Variants in DNAH9 observed in about 807,000 individuals in gnomAD.
DNAH9 encodes dynein axonemal heavy chain 9.
In DNAH9, 345 loss-of-function variants were observed where a neutral mutation model predicts 471.6. That is an observed-to-expected ratio of 0.73 (90% CI 0.67 to 0.80). The LOEUF (loss-of-function observed/expected upper bound fraction) is 0.80. Among genes scored for constraint, DNAH9 ranks in the 30% least tolerant of loss-of-function variants. DNAH9 has a pLI of 0.00. For missense variants in DNAH9, 5,407 were observed against 5,609.2 expected (o/e 0.96, Z 1.15); for synonymous variants, 2,093 against 2,123.6 (o/e 0.99, Z 0.40).
chr17:11,749,017 C>T (rs951637816), intron 32 of DNAH9, among the ~76,000 whole-genome samples: 1 of 149,624 alleles, frequency 6.7e-6, no homozygotes, highest in Admixed American at 6.7e-5. Context: ...TAGTAATTTG[C>T]TCTTTTGTGA....
chr17:11,676,149 G>T (rs1437701115), intron 17 of DNAH9, among the ~76,000 whole-genome samples: 2 of 151,730 alleles, frequency 1.3e-5, no homozygotes, highest in Admixed American at 1.3e-4. Context: ...CTTTTAGTAA[G>T]TCATATTTTC....
chr17:11,669,369 G>A lies in DNAH9; in HGVS notation c.2929-1G>A. 6.2e-7 allele frequency: 1 copy of A among 1,607,848 alleles called. No individual in the cohort carries two copies. Among genetic ancestry groups the A allele is most frequent in the Non-Finnish European group, 8.5e-7 (1 of 1,176,200 alleles). On this transcript the variant is annotated splice_acceptor_variant, in intron 16 of 68. Transcript: ENST00000262442. LOFTEE classifies it high-confidence loss of function. ...TGCCTGCCGTTGTCTCGCTTCCCCA[G>A]GTCGACCTGGACGGTATACCAGATT... is the stretch of plus-strand genomic sequence containing the variant.
At chr17:11,898,889 G>A (rs867816512) in intron 59 of DNAH9, among the ~76,000 whole-genome samples, 5 of 152,148 alleles carry the variant, frequency 3.3e-5, no homozygotes, top group South Asian at 2.1e-4. Context: ...TGTTTGGTTC[G>A]CTTTGCCTTG....
At chr17:11,950,327 C>T (rs981619907) in intron 67 of DNAH9, among the ~76,000 whole-genome samples, 1 of 152,108 alleles carries the variant, frequency 6.6e-6, no homozygotes, top group Non-Finnish European at 1.5e-5. Flanking sequence ...GACTTGTATC[C>T]ACCATTATAG....
At chr17:11,855,115 TG>T (rs1242128020) in intron 50 of DNAH9, among the ~76,000 whole-genome samples, 1 of 152,054 alleles carries the variant, frequency 6.6e-6, no homozygotes, top group Non-Finnish European at 1.5e-5. Flanking sequence ...TTGCCCAGGT[TG>T]GTCTTGAACT....
chr17:11,872,656 C>T lies in DNAH9; in HGVS notation c.10242+870C>T, dbSNP rs947553869. 9.2e-5 allele frequency among the ~76,000 whole-genome samples: 14 copies of T among 152,198 alleles called. No individual in the cohort carries two copies. In the East Asian group the frequency reaches 2.7e-3, roughly 29 times the overall value. On this transcript the variant is annotated intron_variant, in intron 52 of 68. Coordinates refer to ENST00000262442, the MANE Select transcript of DNAH9 (RefSeq NM_001372.4). Reference sequence around the variant, plus strand: ...CGAAGGTGGGCCGGGCGCGGTGGCTCACGCCTGTAATCCCAGCACTTTGGG... The same window carrying T: ...CGAAGGTGGGCCGGGCGCGGTGGCTTACGCCTGTAATCCCAGCACTTTGGG...
chr17:11,911,477 T>A (rs1973792463), intron 61 of DNAH9, among the ~76,000 whole-genome samples: 1 of 152,228 alleles, frequency 6.6e-6, no homozygotes, highest in Non-Finnish European at 1.5e-5. Flanking sequence ...TTCAGCTTTG[T>A]TCTTTTCATG....
chr17:11,858,773 A>C (rs977629356), intron 50 of DNAH9, among the ~76,000 whole-genome samples: 4 of 152,132 alleles, frequency 2.6e-5, no homozygotes, highest in Non-Finnish European at 4.4e-5. Flanking sequence ...TTAGCACAGA[A>C]GTTATTGTGG....
At chr17:11,931,293 T>C (rs1289679814) in intron 63 of DNAH9, among the ~76,000 whole-genome samples, 1 of 152,194 alleles carries the variant, frequency 6.6e-6, no homozygotes, top group African/African-American at 2.4e-5. Flanking sequence ...CATCTCAGGT[T>C]TCCCAGAAGC....
intron 53 of DNAH9, 146 bp downstream of exon 53, chr17:11,875,330 AACATCT>A: frequency 1.5e-6 from 1 of 669,622 alleles, no homozygotes; most frequent in Non-Finnish European, 2.5e-6. Context: ...CATTTTAGCA[AACATCT>A]CAATGAAAGA....
At chr17:11,647,253 C>A in intron 12 of DNAH9, 55 bp downstream of exon 12, 3 of 1,540,076 alleles carry the variant, frequency 1.9e-6, no homozygotes, top group Non-Finnish European at 2.7e-6. Context: ...TCTTTGAACT[C>A]TGCTGATTTC....
intron 32 of DNAH9, among the ~76,000 whole-genome samples, chr17:11,748,662 G>A (rs989178608): frequency 5.9e-5 from 9 of 152,138 alleles, no homozygotes; most frequent in Admixed American, 5.9e-4. Context: ...CCCCAACCCT[G>A]GGTGCTGATC....
chr17:11,693,616 A>G (rs2074375631), intron 20 of DNAH9, among the ~76,000 whole-genome samples: 1 of 152,160 alleles, frequency 6.6e-6, no homozygotes, highest in South Asian at 2.1e-4. Flanking sequence ...AGCCTCTGGT[A>G]CAGAAAATAT....
rs553790907 is a variant in DNAH9 at position 11,822,442 on chromosome 17, C to T, written c.8855C>T (p.Thr2952Ile). The T allele has an allele frequency of 6.2e-7, 1 of 1,614,174 alleles. No homozygotes were observed. Among genetic ancestry groups the T allele is most frequent in the Non-Finnish European group, 8.5e-7 (1 of 1,180,030 alleles). The stretch of plus-strand genomic sequence containing the variant: ...CCCACCCTTCTGACTTCTCAGGTGA[C>T]TCTCTGTTTCTCCCCTGTGGGAAAC... ...IDRIRRQLKV[T>I]LCFSPVGNKL... Residue 2952 changes from threonine (T) to isoleucine (I), a missense_variant, in exon 47 of 69, where the codon ACT becomes ATT. By Grantham distance (89) the Thr-to-Ile change is moderately conservative. Around this residue, in one of 3 missense-constraint regions of DNAH9, gnomAD observed 4,636 missense variants for 4,900.3 expected, o/e 0.95. Transcript: ENST00000262442.
intron 15 of DNAH9, among the ~76,000 whole-genome samples, 189 bp from the exon 16 acceptor site, chr17:11,668,875 T>C (rs1252895744): frequency 2.0e-5 from 3 of 152,064 alleles, no homozygotes; most frequent in African/African-American, 7.2e-5. Flanking sequence ...GGTTCCCCCA[T>C]TGAGAAGCAC....
intron 14 of DNAH9, among the ~76,000 whole-genome samples, chr17:11,655,640 A>G (rs1039531823): frequency 5.3e-5 from 8 of 150,876 alleles, no homozygotes; most frequent in Non-Finnish European, 7.4e-5. Context: ...CACCATGTAT[A>G]TACATAGACA....
intron 67 of DNAH9, among the ~76,000 whole-genome samples, chr17:11,957,014 A>G (rs991791552): frequency 1.1e-4 from 16 of 152,072 alleles, no homozygotes; most frequent in African/African-American, 3.8e-4. Context: ...AAAATTAATA[A>G]ACATTTACCA....
Position 11,705,152 on chromosome 17 carries a change from C to A in DNAH9, c.5519C>A (p.Thr1840Lys). 1.9e-6 allele frequency: 3 copies of A among 1,614,200 alleles called. No individual in the cohort carries two copies. The highest frequency in any genetic ancestry group is 2.5e-6 in the Non-Finnish European group (3 of 1,180,012). Residue 1840 changes from threonine (T) to lysine (K), a missense_variant, in exon 26 of 69, where the codon ACA becomes AAA. Thr to Lys is a moderately conservative substitution (Grantham distance 78, BLOSUM62 -1). Coordinates refer to ENST00000262442, the MANE Select transcript of DNAH9 (RefSeq NM_001372.4). ...TATTCCTATGAGTACCTGGGAAACA[C>A]ACCTCGCTTGGTGATCACACCTTTG... ...FLYSYEYLGN[T>K]PRLVITPLTD... is the part of the protein sequence containing the mutation.
intron 61 of DNAH9, among the ~76,000 whole-genome samples, chr17:11,906,784 G>A (rs990367636): frequency 2.0e-5 from 3 of 151,968 alleles, no homozygotes; most frequent in African/African-American, 4.8e-5. Context: ...ACCAAACACC[G>A]AACGTTCTCA....
Sources: allele counts gnomAD v4.1 joint callset (sites outside exome capture counted in the v4.1 genomes callset), GRCh38; gene constraint gnomAD v4.1.1; regional missense constraint gnomAD v4.1.1; transcripts MANE v1.5; gene names NCBI Gene and HGNC (gene_info 2026-07-23, HGNC 2026-07-21).